The following PPWD1 variants were observed in gnomAD, a reference collection of about 807,000 sequenced individuals.
The protein encoded by PPWD1 is peptidylprolyl isomerase domain and WD repeat containing 1, also known as peptidylprolyl isomerase domain and WD repeat-containing protein 1.
A neutral mutation model predicts 68.8 loss-of-function variants in PPWD1; 43 were observed. That is an observed-to-expected ratio of 0.62 (90% confidence interval 0.49 to 0.81). The LOEUF (loss-of-function observed/expected upper bound fraction) is 0.81, where lower values mean the gene tolerates loss of function less well. PPWD1 is among the 30% of genes least tolerant of loss of function. The pLI, the probability that PPWD1 is intolerant of heterozygous loss-of-function variation, is 0.00. For synonymous variants in PPWD1, 232 were observed against 258.7 expected, an observed-to-expected ratio of 0.90 and a Z score of 0.99; for missense variants, 672 against 804.8, an observed-to-expected ratio of 0.83 and a Z score of 2.00.
At position 65,571,816 on chromosome 5, in the gene PPWD1, C is replaced by T. The variant is rs1294667801; in HGVS notation, c.522-23C>T. ...TTGTTGTGCTGACCTTTTTTTTTCC[C>T]TCTCAATTCTTTACGATTTTAGCTA... On this transcript the variant is annotated intron_variant, in intron 4 of 10. Transcript: ENST00000261308. 1.0e-5 allele frequency: 16 copies of T among 1,591,224 alleles called. No individual in the cohort carries two copies. In the Admixed American group the frequency reaches 1.6e-4, roughly 16 times the overall value.
chr5:65,582,891 C>A, intron 7 of PPWD1, 147 bp from the exon 8 acceptor site: 1 of 1,067,686 alleles, frequency 9.4e-7, no homozygotes. Context: ...CCTGACACAT[C>A]CTGTATGGGA....
At chr5:65,576,750 A>G in intron 5 of PPWD1, 129 bp from the exon 6 acceptor site, 1 of 1,386,974 alleles carries the variant, frequency 7.2e-7, no homozygotes, top group Non-Finnish European at 9.5e-7. Flanking sequence ...AAGAAGTACA[A>G]ACAGTTAGTG....
chr5:65,571,360 A>G lies in PPWD1; in HGVS notation c.522-479A>G, dbSNP rs551231921. Among the ~76,000 whole-genome samples, 151 of 152,320 alleles carry G rather than the reference A, an allele frequency of 9.9e-4. 1 individual carries two copies. Among genetic ancestry groups the G allele is most frequent in the African/African-American group, 3.6e-3 (149 of 41,576 alleles). On this transcript the variant is annotated intron_variant, in intron 4 of 10. Transcript: ENST00000261308. ...TTTTAATATCAAGATTTAGTTAGTA[A>G]TGAGAGTGTTTTAGGACAGTGTTTT...
At position 65,567,519 on chromosome 5, in the gene PPWD1, A is replaced by C. The variant is rs201414471; in HGVS notation, c.203A>C (p.Glu68Ala). 4.3e-4 allele frequency: 695 copies of C among 1,606,956 alleles called. 1 individual carries two copies. The highest frequency in any genetic ancestry group is 7.8e-5 in the Non-Finnish European group (92 of 1,176,512). The change falls in exon 2 of 11, where the codon GAG (glutamate) becomes GCG (alanine). Residue 68 changes from glutamate (E) to alanine (A), a missense_variant. Transcript: ENST00000261308. ...ATLAKKRKVL[E>A]FERVYLDNLP... ...TTTACTTTTTTTTCTTCAGTCTTAGAGTTTGAAAGAGTCTATCTTGATAAT... is the reference window on the plus strand; with the variant it reads ...TTTACTTTTTTTTCTTCAGTCTTAGCGTTTGAAAGAGTCTATCTTGATAAT...
rs373486443 is a variant in PPWD1 at position 65,583,047 on chromosome 5, C to T, written c.1360C>T (p.Arg454Ter). 22 of 1,572,386 alleles carry T rather than the reference C, an allele frequency of 1.4e-5. No individual in the cohort carries two copies. The highest frequency in any genetic ancestry group is 1.8e-5 in the Non-Finnish European group (21 of 1,159,302). ...TACTTTCCTCCTTGAGTTTACCAAACGAGAACCAGAAGATACGAAAAGTGC... is the reference window on the plus strand; with the variant it reads ...TACTTTCCTCCTTGAGTTTACCAAATGAGAACCAGAAGATACGAAAAGTGC... ...KKNRFYMFTK[R>*]EPEDTKSADS... is the part of the protein sequence containing the mutation. Residue 454 changes from arginine to a stop codon, truncating the protein, a stop_gained, in exon 8 of 11, where the codon CGA becomes TGA. Transcript: ENST00000261308. LOFTEE classifies it high-confidence loss of function.
intron 5 of PPWD1, among the ~76,000 whole-genome samples, chr5:65,572,621 A>G (rs1753066846): frequency 6.6e-6 from 1 of 151,978 alleles, no homozygotes; most frequent in Admixed American, 6.6e-5. Context: ...TCCTGTCCCT[A>G]TGACTACTTC....
intron 10 of PPWD1, among the ~76,000 whole-genome samples, chr5:65,586,444 G>A (rs1164941188): frequency 6.6e-6 from 1 of 152,132 alleles, no homozygotes; most frequent in Non-Finnish European, 1.5e-5. Flanking sequence ...TGCCTCTACT[G>A]ATGATGTAAC....
chr5:65,577,184 T>C (rs989813019), intron 6 of PPWD1, 115 bp downstream of exon 6: 21 of 1,413,992 alleles, frequency 1.5e-5, no homozygotes, highest in Non-Finnish European at 1.9e-5. Flanking sequence ...TGGCCCCAAA[T>C]GTCTAAACTT....
intron 5 of PPWD1, among the ~76,000 whole-genome samples, chr5:65,573,387 G>A (rs1753103077): frequency 6.8e-6 from 1 of 146,390 alleles, no homozygotes; most frequent in South Asian, 2.1e-4. Context: ...CCGCCCCCTG[G>A]GTTCAAGCGA....
At chr5:65,587,111 T>A in intron 10 of PPWD1, 142 bp from the exon 11 acceptor site, 1 of 929,098 alleles carries the variant, frequency 1.1e-6, no homozygotes, top group Non-Finnish European at 1.5e-6. Flanking sequence ...TACATTTTTA[T>A]TGCTGAGAAA....
chr5:65,578,798 A>G (rs1437260143), intron 6 of PPWD1, among the ~76,000 whole-genome samples: 1 of 92,626 alleles, frequency 1.1e-5, no homozygotes, highest in Non-Finnish European at 2.3e-5. Flanking sequence ...ATATATATAC[A>G]TATATATGTG....
chr5:65,571,910 A>T lies in PPWD1; in HGVS notation c.593A>T (p.Lys198Met), dbSNP rs763586071. The T allele has an allele frequency of 6.2e-7, 1 of 1,614,100 alleles. No individual in the cohort carries two copies. Among genetic ancestry groups the T allele is most frequent in the Non-Finnish European group, 8.5e-7 (1 of 1,180,004 alleles). Reference sequence around the variant, plus strand: ...ATTTCTTCAGTTGCTGCTTCCGAAAAGAGTACAGGAAAAATTTTCATTTAT... The same window carrying T: ...ATTTCTTCAGTTGCTGCTTCCGAAATGAGTACAGGAAAAATTTTCATTTAT... ...DAISSVAASE[K>M]STGKIFIYDG... Residue 198 changes from lysine (K) to methionine (M), a missense_variant, in exon 5 of 11, where the codon AAG (lysine) becomes ATG (methionine). By Grantham distance (95) the Lys-to-Met change is moderately conservative (BLOSUM62 -1). Transcript: ENST00000261308.
intron 1 of PPWD1, among the ~76,000 whole-genome samples, chr5:65,566,774 C>G (rs1460296362): frequency 2.0e-5 from 3 of 150,344 alleles, no homozygotes; most frequent in African/African-American, 7.3e-5. Flanking sequence ...TCCCTCCCTT[C>G]TTTCCTTCCT....
At chr5:65,583,947 G>C (rs1264529745) in intron 8 of PPWD1, among the ~76,000 whole-genome samples, 1 of 151,970 alleles carries the variant, frequency 6.6e-6, no homozygotes, top group South Asian at 2.1e-4. Flanking sequence ...GTGAGACCCT[G>C]TTTCTACAAA....
chr5:65,563,903 G>A lies in PPWD1; in HGVS notation c.196+397G>A, dbSNP rs1381446847. The A allele has an allele frequency of 3.1e-5, 43 of 1,397,140 alleles. No homozygotes were observed. The Admixed American group carries it at 6.9e-4, about 23-fold the overall frequency. 86.5% of individuals were successfully genotyped at this position (1,397,140 alleles called of 1,614,324 possible). ...TCAGGAGTGGTGTTAATGTATTAAT[G>A]TGTTGGGGCGCGAGAGGAAGGCGGT... On this transcript the variant is annotated intron_variant, in intron 1 of 10. Transcript: ENST00000261308.
chr5:65,578,745 T>C (rs1262936167), intron 6 of PPWD1, among the ~76,000 whole-genome samples: 7 of 142,066 alleles, frequency 4.9e-5, no homozygotes, highest in East Asian at 4.0e-4. Context: ...CATATATATA[T>C]ACACACATAT....
intron 2 of PPWD1, chr5:65,569,333 TAAGGA>T (rs1752910815): frequency 7.4e-6 from 2 of 271,300 alleles, no homozygotes; most frequent in Non-Finnish European, 1.4e-5. Context: ...ATTTTAGCAA[TAAGGA>T]ATCCAAAGTG....
In PPWD1 at chr5:65,583,193, C is replaced by T. The variant is rs770194652; in HGVS notation, c.1506C>T (p.Asp502=). 1.8e-5 allele frequency: 29 copies of T among 1,593,030 alleles called. No homozygotes were observed. The highest frequency in any genetic ancestry group is 2.5e-5 in the Non-Finnish European group (29 of 1,172,342). ...DSAIIHTSMG[D]IHTKLFPVEC... is the part of the protein sequence containing the mutation. ...CCATTATCCACACCAGCATGGGAGACATTCACACCAAACTTTTTCCTGTTG... is the reference window on the plus strand; with the variant it reads ...CCATTATCCACACCAGCATGGGAGATATTCACACCAAACTTTTTCCTGTTG... Residue 502 remains aspartate, a synonymous_variant, in exon 8 of 11, where the codon GAC becomes GAT. Coordinates refer to ENST00000261308, the MANE Select transcript of PPWD1 (RefSeq NM_015342.4).
In PPWD1 at chr5:65,571,897, G is replaced by C. The variant is rs1241586258; in HGVS notation, c.580G>C (p.Ala194Pro). Residue 194 changes from alanine to proline, a missense_variant, in exon 5 of 11, where the codon GCT (alanine) becomes CCT (proline). This residue lies in a region of PPWD1 where 484 missense variants were observed against 646.2 expected (regional missense o/e 0.75). Coordinates refer to ENST00000261308, the MANE Select transcript of PPWD1 (RefSeq NM_015342.4). The stretch of plus-strand genomic sequence containing the variant: ...CCCAGGGGATGCAATTTCTTCAGTT[G>C]CTGCTTCCGAAAAGAGTACAGGAAA... ...YCPGDAISSV[A>P]ASEKSTGKIF... 3 of 1,613,838 alleles carry C rather than the reference G, an allele frequency of 1.9e-6. No individual in the cohort carries two copies. In the African/African-American group the frequency reaches 4.0e-5, roughly 22 times the overall value.
Sources: allele counts gnomAD v4.1 joint callset (sites outside exome capture counted in the v4.1 genomes callset), GRCh38; gene constraint gnomAD v4.1.1; regional missense constraint gnomAD v4.1.1; transcripts MANE v1.5; gene names NCBI Gene and HGNC (gene_info 2026-07-23, HGNC 2026-07-21).